The following GRID2 variants were observed in gnomAD, a reference collection of about 807,000 sequenced individuals.
GRID2 encodes glutamate ionotropic receptor delta type subunit 2, also known as glutamate receptor ionotropic, delta-2.
A neutral mutation model predicts 114.8 loss-of-function variants in GRID2; 33 were observed. The ratio of observed to expected loss-of-function variants is 0.29; its 90% confidence interval spans 0.22 to 0.38. The LOEUF is 0.38. Among genes scored for constraint, GRID2 ranks in the 10% least tolerant of loss-of-function variants. The pLI, the probability that GRID2 is intolerant of heterozygous loss-of-function variation, is 1.00. For synonymous variants in GRID2, 505 were observed against 449.9 expected (o/e 1.12, Z -1.55); for missense variants, 1,184 against 1,257.7 (o/e 0.94, Z 0.89).
Position 92,717,405 on chromosome 4 carries a change from A to G in GRID2, c.244+127119A>G, listed in dbSNP as rs142861095. ...AATGACAGAAAATTAGTTATCTTAC[A>G]TTCTACAGGTAGGTTTGTAGAGTAC... On this transcript the variant is annotated intron_variant, in intron 2 of 15. Transcript: ENST00000282020. Among the ~76,000 whole-genome samples, 975 of 152,318 alleles carry G rather than the reference A, an allele frequency of 6.4e-3. 4 individuals are homozygous for G. Among genetic ancestry groups the G allele is most frequent in the African/African-American group, 0.023 (941 of 41,580 alleles).
At position 92,617,860 on chromosome 4, in the gene GRID2, G is replaced by GTGT. The variant is rs199877203; in HGVS notation, c.244+27592_244+27594dup. On this transcript the variant is annotated intron_variant, in intron 2 of 15. Coordinates refer to ENST00000282020, the MANE Select transcript of GRID2 (RefSeq NM_001510.4). ...GCCCTTTTCTTAATTAGACGATTTT[G>GTGT]TGTTGTTGTTGTTGTTGTTGAGAAA... Among the ~76,000 whole-genome samples, 69 of 151,452 alleles carry GTGT rather than the reference G, an allele frequency of 4.6e-4. 1 individual carries two copies. The highest frequency in any genetic ancestry group is 1.2e-3 in the African/African-American group (51 of 41,402).
intron 1 of GRID2, among the ~76,000 whole-genome samples, chr4:92,551,699 A>G (rs187992534): frequency 4.6e-4 from 70 of 152,288 alleles, no homozygotes; most frequent in Non-Finnish European, 8.8e-4. Context: ...ATCATAAACA[A>G]TAGTACAAAC....
chr4:93,319,820 A>G (rs1402265669), intron 8 of GRID2: 1 of 152,042 alleles, frequency 6.6e-6, no homozygotes, highest in Non-Finnish European at 1.5e-5. Flanking sequence ...AAATAACAGA[A>G]TTTTGCCAAC....
chr4:92,656,957 G>T (rs1348583909), intron 2 of GRID2, among the ~76,000 whole-genome samples: 1 of 151,544 alleles, frequency 6.6e-6, no homozygotes, highest in Non-Finnish European at 1.5e-5. Context: ...AAACAGAAGT[G>T]CCCATATTGC....
rs141785727 is a variant in GRID2 at position 93,535,231 on chromosome 4, T to TACACACAC, written c.2193+19853_2193+19860dup. ...TCCATTTTATACACACACATACACA[T>TACACACAC]ACACACACACACACACACACACACA... On this transcript the variant is annotated intron_variant, in intron 13 of 15. Transcript: ENST00000282020. Among the ~76,000 whole-genome samples the TACACACAC allele has an allele frequency of 2.4e-3, 340 of 142,270 alleles. 1 individual carries two copies. Among genetic ancestry groups the TACACACAC allele is most frequent in the African/African-American group, 5.6e-3 (218 of 38,860 alleles). 93.3% of individuals were successfully genotyped at this position (142,270 alleles called of 152,430 possible).
intron 2 of GRID2, among the ~76,000 whole-genome samples, chr4:92,954,800 G>T (rs1342586698): frequency 2.2e-5 from 3 of 136,324 alleles, no homozygotes; most frequent in Non-Finnish European, 4.6e-5. Flanking sequence ...AGAGTGTGAT[G>T]TTCCCCTTTC....
In GRID2 at chr4:92,938,990, G is replaced by A. The variant is rs960050950; in HGVS notation, c.245-146005G>A. On this transcript the variant is annotated intron_variant, in intron 2 of 15. Transcript: ENST00000282020. ...TGTTGGACATTTGGGTGGGTTCCAAGTCTTTGCTATTGTGAATAGTGCCGC... is the reference window on the plus strand; with the variant it reads ...TGTTGGACATTTGGGTGGGTTCCAAATCTTTGCTATTGTGAATAGTGCCGC... 1.2e-4 allele frequency among the ~76,000 whole-genome samples: 17 copies of A among 146,912 alleles called. 3 individuals carry two copies. In the East Asian group the frequency reaches 3.4e-3, roughly 30 times the overall value.
At chr4:93,192,746 T>C (rs1741103411) in intron 4 of GRID2, among the ~76,000 whole-genome samples, 1 of 57,120 alleles carries the variant, frequency 1.8e-5, no homozygotes, top group Admixed American at 2.2e-4. Flanking sequence ...AAACTCCATC[T>C]CAAAAAAAAA....
intron 13 of GRID2, among the ~76,000 whole-genome samples, chr4:93,625,903 A>C (rs778351264): frequency 4.0e-5 from 6 of 150,770 alleles, no homozygotes; most frequent in Non-Finnish European, 7.4e-5. Context: ...CGACAGAGCA[A>C]GACTCCGTCT....
At chr4:93,033,504 C>T (rs1438973276) in intron 2 of GRID2, among the ~76,000 whole-genome samples, 2 of 152,106 alleles carry the variant, frequency 1.3e-5, no homozygotes, top group African/African-American at 4.8e-5. Context: ...CCTCGTTGTG[C>T]AGAAGTTTTA....
At chr4:92,667,601 C>T (rs935289382) in intron 2 of GRID2, among the ~76,000 whole-genome samples, 46 of 151,584 alleles carry the variant, frequency 3.0e-4, no homozygotes, top group African/African-American at 1.0e-3. Flanking sequence ...TCAATGCATA[C>T]TTCTTACTTA....
At chr4:92,443,839 G>A (rs558653389) in intron 1 of GRID2, among the ~76,000 whole-genome samples, 17 of 152,302 alleles carry the variant, frequency 1.1e-4, no homozygotes, top group South Asian at 2.1e-4. Context: ...TCAGAGAGGC[G>A]TCCCTGCAAT....
intron 1 of GRID2, among the ~76,000 whole-genome samples, chr4:92,474,970 G>GTT (rs1560655399): frequency 1.6e-5 from 2 of 128,810 alleles, no homozygotes; most frequent in African/African-American, 2.9e-5. Context: ...ATTTTTTTGG[G>GTT]GGGGGGGTGG....
chr4:93,166,790 C>T (rs1448842475), intron 4 of GRID2, among the ~76,000 whole-genome samples: 1 of 152,054 alleles, frequency 6.6e-6, no homozygotes, highest in South Asian at 2.1e-4. Context: ...TCTTGTCTGT[C>T]TCCTTGAAAT....
At chr4:92,915,084 G>A (rs924488562) in intron 2 of GRID2, among the ~76,000 whole-genome samples, 4 of 152,050 alleles carry the variant, frequency 2.6e-5, no homozygotes, top group African/African-American at 7.2e-5. Context: ...GCACCTCTTC[G>A]CAAGGTGGCA....
At chr4:92,729,138 A>G (rs1736207816) in intron 2 of GRID2, among the ~76,000 whole-genome samples, 1 of 152,006 alleles carries the variant, frequency 6.6e-6, no homozygotes, top group Non-Finnish European at 1.5e-5. Context: ...AAAATATTTC[A>G]GTGACTACCT....
At position 93,659,682 on chromosome 4, in the gene GRID2, G is replaced by T. The variant is rs1030683939; in HGVS notation, c.2360+33247G>T. On this transcript the variant is annotated intron_variant, in intron 14 of 15. Transcript: ENST00000282020. ...AGACATCAGGAAGAAGAGATATAAT[G>T]AAAGTTTAATAGGCAGATTGCAGAC... Among the ~76,000 whole-genome samples the T allele has an allele frequency of 4.6e-5, 7 of 152,252 alleles. 1 individual carries two copies. The Middle Eastern group carries it at 0.01, about 222-fold the overall frequency.
At chr4:92,967,280 C>T (rs1201107393) in intron 2 of GRID2, among the ~76,000 whole-genome samples, 1 of 151,888 alleles carries the variant, frequency 6.6e-6, no homozygotes, top group African/African-American at 2.4e-5. Context: ...AGAAATCAAC[C>T]TTTCAAATAA....
chr4:93,430,698 A>C (rs1371219617), intron 10 of GRID2, among the ~76,000 whole-genome samples: 1 of 152,254 alleles, frequency 6.6e-6, no homozygotes, highest in Non-Finnish European at 1.5e-5. Context: ...TTAATGAGAA[A>C]CACAGAGGTT....
Sources: gnomAD v4.1 joint callset for allele counts (sites outside exome capture counted in the v4.1 genomes callset) on GRCh38, gnomAD v4.1.1 for gene constraint, MANE v1.5 for transcripts, NCBI Gene and HGNC (gene_info 2026-07-23, HGNC 2026-07-21) for gene names.